LIMCH1: variants seen among roughly 807,000 people sequenced by gnomAD.
The protein encoded by LIMCH1 is LIM and calponin homology domains 1, also known as LIM and calponin homology domains-containing protein 1.
Under a neutral mutation model 176.5 loss-of-function variants are expected in LIMCH1, and 113 were observed. The ratio of observed to expected loss-of-function variants is 0.64; its 90% CI spans 0.55 to 0.75. The LOEUF (loss-of-function observed/expected upper bound fraction) is 0.75, where lower values mean the gene tolerates loss of function less well. Among genes scored for constraint, LIMCH1 ranks in the 30% least tolerant of loss-of-function variants. LIMCH1 has a pLI of 0.00. For missense variants in LIMCH1, 1,674 were observed against 1,814.9 expected (o/e 0.92, Z 1.41); for synonymous variants, 619 against 645.9 (o/e 0.96, Z 0.63).
chr4:41,615,762 T>A (rs1561930720), intron 5 of LIMCH1, among the ~76,000 whole-genome samples: 1 of 152,210 alleles, frequency 6.6e-6, no homozygotes, highest in Admixed American at 6.5e-5. Flanking sequence ...AGAATTTATT[T>A]CCTAGGACTC....
At chr4:41,366,908 T>A (rs774254702) in intron 1 of LIMCH1, among the ~76,000 whole-genome samples, 35 of 150,320 alleles carry the variant, frequency 2.3e-4, no homozygotes, top group Non-Finnish European at 2.2e-4. Flanking sequence ...AAAGGAGGTT[T>A]AACTGACTTA....
intron 1 of LIMCH1, among the ~76,000 whole-genome samples, chr4:41,595,263 A>G (rs879516563): frequency 2.6e-5 from 4 of 152,204 alleles, no homozygotes; most frequent in Admixed American, 6.5e-5. Context: ...GAAGAAGAAC[A>G]TCATAGAGAA....
chr4:41,562,193 CT>C (rs2082156080), intron 1 of LIMCH1, among the ~76,000 whole-genome samples: 1 of 152,222 alleles, frequency 6.6e-6, no homozygotes, highest in African/African-American at 2.4e-5. Context: ...CCTCTCTCCA[CT>C]TTGCATGTTC....
chr4:41,383,780 G>T (rs2056073491), intron 1 of LIMCH1, among the ~76,000 whole-genome samples: 1 of 152,106 alleles, frequency 6.6e-6, no homozygotes, highest in African/African-American at 2.4e-5. Context: ...AGGCTCCATA[G>T]GTGATTCTGG....
intron 1 of LIMCH1, among the ~76,000 whole-genome samples, chr4:41,452,008 C>T (rs2063946413): frequency 6.6e-6 from 1 of 152,170 alleles, no homozygotes; most frequent in Admixed American, 6.5e-5. Context: ...TCTGGATAAA[C>T]TCTTTCTTCT....
At chr4:41,390,548 G>C (rs1438954248) in intron 1 of LIMCH1, among the ~76,000 whole-genome samples, 1 of 152,122 alleles carries the variant, frequency 6.6e-6, no homozygotes, top group African/African-American at 2.4e-5. Context: ...AATACATGAT[G>C]CCCAGTTAGA....
In LIMCH1 at chr4:41,635,125, G is replaced by C. The variant is rs4132678; in HGVS notation, c.2090+1317G>C. Among the ~76,000 whole-genome samples the C allele has an allele frequency of 3.0e-3, 455 of 152,272 alleles. 2 individuals are homozygous for C. Among genetic ancestry groups the C allele is most frequent in the African/African-American group, 0.01 (429 of 41,536 alleles). On this transcript the variant is annotated intron_variant, in intron 13 of 31. Coordinates refer to ENST00000503057, the MANE Select transcript of LIMCH1 (RefSeq NM_001330672.2). ...CATGTACACAGCTGGTACCTACAGA[G>C]CCAAGATCCAAACTCAGCTCTGTCA...
Position 41,676,468 on chromosome 4 carries a change from A to T in LIMCH1, c.3519+6A>T. The T allele has an allele frequency of 1.9e-6, 3 of 1,610,942 alleles. No homozygotes were observed. Among genetic ancestry groups the T allele is most frequent in the Non-Finnish European group, 2.5e-6 (3 of 1,177,160 alleles). ...AACAGGAACGTTTGCTCCAGGTAGG[A>T]TGGAGTTTGCTGCTTTTTTTGTTTT... On this transcript the variant is annotated splice_donor_region_variant and intron_variant, in intron 23 of 31. Transcript: ENST00000503057.
chr4:41,494,757 G>A (rs1055088442), intron 2 of LIMCH1: 2 of 577,004 alleles, frequency 3.5e-6, no homozygotes, highest in Admixed American at 6.5e-5. Context: ...AGAAACACAA[G>A]TCGGTGTGGG....
chr4:41,603,640 C>T (rs1164557024), intron 2 of LIMCH1, among the ~76,000 whole-genome samples: 2 of 152,250 alleles, frequency 1.3e-5, no homozygotes, highest in South Asian at 2.1e-4. Flanking sequence ...TATAAAGCAT[C>T]GTCTTTTTAT....
chr4:41,586,721 G>A (rs1418197974), intron 1 of LIMCH1, among the ~76,000 whole-genome samples: 3 of 152,156 alleles, frequency 2.0e-5, no homozygotes, highest in Admixed American at 1.3e-4. Flanking sequence ...GTAATTTTTT[G>A]GAGGGATAGA....
intron 2 of LIMCH1, among the ~76,000 whole-genome samples, chr4:41,600,744 T>C (rs2089770067): frequency 6.6e-6 from 1 of 152,066 alleles, no homozygotes; most frequent in African/African-American, 2.4e-5. Context: ...TCTGGTATGA[T>C]TCTGGGTCAA....
chr4:41,399,735 G>A (rs554260120), intron 1 of LIMCH1, among the ~76,000 whole-genome samples: 2 of 125,914 alleles, frequency 1.6e-5, no homozygotes, highest in East Asian at 2.5e-4. Flanking sequence ...AGGCTGGAGC[G>A]CAGTAGCGGG....
intron 1 of LIMCH1, among the ~76,000 whole-genome samples, chr4:41,543,737 C>G (rs547210491): frequency 4.6e-5 from 7 of 152,232 alleles, no homozygotes; most frequent in African/African-American, 1.7e-4. Flanking sequence ...GGCCAGGTTT[C>G]TGTTAAAAAA....
At chr4:41,440,669 A>G (rs897900672) in intron 1 of LIMCH1, among the ~76,000 whole-genome samples, 4 of 152,222 alleles carry the variant, frequency 2.6e-5, no homozygotes, top group African/African-American at 7.2e-5. Flanking sequence ...AGTAACCAGG[A>G]CTACAGGTGC....
chr4:41,370,025 C>T (rs773209245), intron 1 of LIMCH1, among the ~76,000 whole-genome samples: 5 of 150,622 alleles, frequency 3.3e-5, no homozygotes, highest in Admixed American at 6.7e-5. Flanking sequence ...ATTGGACACT[C>T]GGAGGGTGAT....
chr4:41,680,907 A>G, intron 24 of LIMCH1, 48 bp from the exon 25 acceptor site: 1 of 1,060,468 alleles, frequency 9.4e-7, no homozygotes, highest in Non-Finnish European at 1.4e-6. Context: ...CTTGACAAAT[A>G]TGATTTTTAT....
intron 2 of LIMCH1, among the ~76,000 whole-genome samples, chr4:41,500,998 GC>G (rs2073168920): frequency 6.6e-6 from 1 of 152,178 alleles, no homozygotes; most frequent in African/African-American, 2.4e-5. Context: ...TCTACAGGCA[GC>G]ATGAATGATG....
intron 1 of LIMCH1, among the ~76,000 whole-genome samples, chr4:41,438,431 C>T (rs978143010): frequency 6.6e-6 from 1 of 150,994 alleles, no homozygotes; most frequent in African/African-American, 2.4e-5. Context: ...GACATAATCT[C>T]GGCTCACTGC....
Sources: allele counts gnomAD v4.1 joint callset (sites outside exome capture counted in the v4.1 genomes callset), GRCh38; gene constraint gnomAD v4.1.1; transcripts MANE v1.5; gene names NCBI Gene and HGNC (gene_info 2026-07-23, HGNC 2026-07-21).